Variants in CD99 observed in about 807,000 individuals in gnomAD.
The protein encoded by CD99 is CD99 antigen.
In CD99, 19 loss-of-function variants were observed where a neutral mutation model predicts 28.4. The observed-to-expected ratio is 0.67, with a 90% CI of 0.47 to 0.98. CD99 has a LOEUF of 0.98. CD99 is among the 50% of genes least tolerant of loss of function. CD99 has a pLI of 0.00. For missense variants in CD99, 283 were observed against 248.8 expected (o/e 1.14, Z -0.92); for synonymous variants, 103 against 92.1 (o/e 1.12, Z -0.67).
chrX:2,737,241 G>T (rs181325365), intron 8 of CD99, among the ~76,000 whole-genome samples: 1 of 152,022 alleles, frequency 6.6e-6, no homozygotes, highest in Non-Finnish European at 1.5e-5. Flanking sequence ...GCAGTGCCAC[G>T]ATCTCAGCTC....
chrX:2,706,221 G>A (rs999154422), intron 1 of CD99, among the ~76,000 whole-genome samples: 3 of 152,084 alleles, frequency 2.0e-5, no homozygotes, highest in East Asian at 1.9e-4. Context: ...TCAGCCGGGC[G>A]TGGTGGTGGG....
intron 9 of CD99, 141 bp downstream of exon 9, chrX:2,738,397 G>A (rs1436003777): frequency 2.6e-6 from 2 of 780,640 alleles, no homozygotes; most frequent in Non-Finnish European, 2.2e-6. Flanking sequence ...ATGTCTCGTT[G>A]CTTTGGAGGG....
chrX:2,723,495 C>A, intron 7 of CD99, 131 bp downstream of exon 7: 2 of 1,040,862 alleles, frequency 1.9e-6, no homozygotes, highest in South Asian at 1.3e-5. Context: ...CACGGGTGTT[C>A]TGTGCCAAGT....
At chrX:2,736,157 G>A (rs1403503544) in intron 8 of CD99, among the ~76,000 whole-genome samples, 11 of 150,266 alleles carry the variant, frequency 7.3e-5, no homozygotes, top group South Asian at 2.1e-4. Flanking sequence ...AGCCGAGATC[G>A]CGCCACTGCG....
At chrX:2,724,566 C>T (rs56055001) in intron 7 of CD99, among the ~76,000 whole-genome samples, 11,605 of 151,988 alleles carry the variant, frequency 0.076, 888 homozygotes, top group African/African-American at 0.19. Context: ...GCCAAGAGTT[C>T]GAAACCAGCC....
At chrX:2,735,620 ATTATTTGT>A (rs2049892307) in intron 8 of CD99, among the ~76,000 whole-genome samples, 1 of 152,188 alleles carries the variant, frequency 6.6e-6, no homozygotes, top group Non-Finnish European at 1.5e-5. Context: ...AGAGGGAGAA[ATTATTTGT>A]CCTCTGAAAT....
intron 1 of CD99, among the ~76,000 whole-genome samples, chrX:2,703,058 G>C (rs2047940306): frequency 6.6e-6 from 1 of 152,068 alleles, no homozygotes. Flanking sequence ...CAAAATGCTG[G>C]GATTACAGGC....
In CD99 at chrX:2,722,731, C is replaced by T; in HGVS notation, c.310+57C>T. The T allele has an allele frequency of 2.6e-6, 4 of 1,512,878 alleles. No homozygotes were observed. In the South Asian group the frequency reaches 4.5e-5, roughly 17 times the overall value. 93.7% of individuals were successfully genotyped at this position (1,512,878 alleles called of 1,614,324 possible). On this transcript the variant is annotated intron_variant, in intron 6 of 9. Transcript: ENST00000381192. ...CTCTCCATCCCATGATGCCCACCTG[C>T]TCTGTAGAATCACTACAGGGTCTAA...
chrX:2,691,512 C>A (rs1166382185), intron 1 of CD99, 85 bp downstream of exon 1: 2 of 1,427,708 alleles, frequency 1.4e-6, no homozygotes, highest in African/African-American at 1.4e-5. Context: ...GCGTTGGGGG[C>A]GCCCCGCGGG....
chrX:2,693,268 G>A (rs954313448), intron 1 of CD99, among the ~76,000 whole-genome samples: 1 of 137,480 alleles, frequency 7.3e-6, no homozygotes, highest in Admixed American at 7.7e-5. Context: ...TGGAACTCCT[G>A]ATTTTGGAAG....
chrX:2,729,280 G>A (rs1275341728), intron 8 of CD99, among the ~76,000 whole-genome samples: 2 of 152,128 alleles, frequency 1.3e-5, no homozygotes, highest in Non-Finnish European at 2.9e-5. Flanking sequence ...GCGTGCAGAC[G>A]TAGGAACTTT....
rs141429889 is a variant in CD99, at chrX:2,696,325, G to A, written c.67+4898G>A. Among the ~76,000 whole-genome samples the A allele has an allele frequency of 2.9e-3, 444 of 152,350 alleles. 2 individuals carry two copies. Among genetic ancestry groups the A allele is most frequent in the African/African-American group, 0.01 (430 of 41,588 alleles). On this transcript the variant is annotated intron_variant, in intron 1 of 9. Transcript: ENST00000381192. ...GGTGGGGTTCGGATTGCTTGTGAAT[G>A]TGGGCTCATCGTTGCTGGTGTAGCT... is the stretch of plus-strand genomic sequence containing the variant.
intron 1 of CD99, among the ~76,000 whole-genome samples, chrX:2,692,975 G>T (rs1375252237): frequency 2.0e-5 from 3 of 152,154 alleles, no homozygotes; most frequent in Non-Finnish European, 2.9e-5. Flanking sequence ...ATAACTCAGG[G>T]GTTCCCAGTG....
chrX:2,722,937 T>C (rs1199630915), intron 6 of CD99, among the ~76,000 whole-genome samples: 1 of 152,208 alleles, frequency 6.6e-6, no homozygotes, highest in Non-Finnish European at 1.5e-5. Flanking sequence ...GCGTGATGAA[T>C]GGGCCCTTGT....
intron 1 of CD99, among the ~76,000 whole-genome samples, chrX:2,700,345 C>G (rs1365181701): frequency 6.6e-6 from 1 of 152,170 alleles, no homozygotes; most frequent in Non-Finnish European, 1.5e-5. Flanking sequence ...ATCCATGTGT[C>G]CTTCCATCCA....
In CD99 at chrX:2,717,727, C is replaced by A; in HGVS notation, c.148+75C>A. ...CTCGGACAGCAGGACGGGACTTAGGCAACTAGAAAGAAGACAGAAGTGATT... is the reference window on the plus strand; with the variant it reads ...CTCGGACAGCAGGACGGGACTTAGGAAACTAGAAAGAAGACAGAAGTGATT... On this transcript the variant is annotated intron_variant, in intron 3 of 9. Coordinates refer to ENST00000381192, the MANE Select transcript of CD99 (RefSeq NM_002414.5). The A allele has an allele frequency of 6.0e-6, 8 of 1,342,282 alleles. No individual in the cohort carries two copies. The South Asian group carries it at 8.2e-5, about 14-fold the overall frequency. The allele number at this position is 1,342,282 out of a possible 1,614,324, so 83.1% of individuals were successfully genotyped here.
chrX:2,711,914 C>T (rs1330777037), intron 1 of CD99, among the ~76,000 whole-genome samples: 10 of 151,970 alleles, frequency 6.6e-5, no homozygotes, highest in Admixed American at 6.6e-5. Flanking sequence ...GATGGGCGGG[C>T]GCCTATAGTC....
Position 2,720,358 on chromosome X carries a change from G to C in CD99, c.196G>C (p.Asp66His). ...CAACTCTCATCTTTCACAAACAGACGACCCACGACCACCGAACCCACCCAA... is the reference window on the plus strand; with the variant it reads ...CAACTCTCATCTTTCACAAACAGACCACCCACGACCACCGAACCCACCCAA... ...GDAVVDGEND[D>H]PRPPNPPKPM... The change falls in exon 5 of 10, where the codon GAC becomes CAC. Residue 66 changes from aspartate (D) to histidine (H), a missense_variant and splice_region_variant. Asp to His is a moderately conservative substitution (Grantham distance 81, BLOSUM62 -1). Coordinates refer to ENST00000381192, the MANE Select transcript of CD99 (RefSeq NM_002414.5). 1.2e-6 allele frequency: 2 copies of C among 1,613,364 alleles called. No individual in the cohort carries two copies. The highest frequency in any genetic ancestry group is 1.1e-5 in the South Asian group (1 of 91,028).
intron 6 of CD99, among the ~76,000 whole-genome samples, chrX:2,722,926 G>T (rs2049071013): frequency 6.6e-6 from 1 of 152,158 alleles, no homozygotes. Context: ...TGAGGGACAG[G>T]GCGTGATGAA....
Sources: allele counts gnomAD v4.1 joint callset (sites outside exome capture counted in the v4.1 genomes callset), GRCh38; gene constraint gnomAD v4.1.1; transcripts MANE v1.5; gene names NCBI Gene and HGNC (gene_info 2026-07-23, HGNC 2026-07-21).